Variants in ZNF230 observed in about 807,000 individuals in gnomAD.
ZNF230 encodes zinc finger protein FDZF2.
A neutral mutation model predicts 10.0 loss-of-function variants in ZNF230; 12 were observed. That is an observed-to-expected ratio of 1.20 (90% CI 0.77 to 1.95). The LOEUF (loss-of-function observed/expected upper bound fraction) is 1.95, where lower values mean the gene tolerates loss of function less well. Ranked by LOEUF, ZNF230 falls within the 30% of genes most tolerant of loss-of-function variation. The pLI, the probability that ZNF230 is intolerant of heterozygous loss-of-function variation, is 0.00. For synonymous variants in ZNF230, 174 were observed against 193.6 expected, an observed-to-expected ratio of 0.90 and a Z score of 0.84; for missense variants, 532 against 565.8, an observed-to-expected ratio of 0.94 and a Z score of 0.61.
intron 1 of ZNF230, among the ~76,000 whole-genome samples, chr19:44,005,739 A>T (rs1167673605): frequency 6.6e-6 from 1 of 152,138 alleles, no homozygotes; most frequent in African/African-American, 2.4e-5. Flanking sequence ...AAATATTTTT[A>T]AAAGCCGGGT....
At chr19:44,004,033 A>C (rs1273502037) in intron 1 of ZNF230, 1 of 152,226 alleles carries the variant, frequency 6.6e-6, no homozygotes, top group Admixed American at 6.5e-5. Context: ...TCTTGGATAC[A>C]TTCTCATTGA....
At chr19:44,009,247 T>C (rs1042475966) in intron 4 of ZNF230, 77 bp downstream of exon 4, 1 of 1,475,468 alleles carries the variant, frequency 6.8e-7, no homozygotes, top group South Asian at 1.2e-5. Flanking sequence ...TGCCCACTTA[T>C]ATCACCCTGA....
rs776339479 is a variant in ZNF230 at position 44,011,303 on chromosome 19, T to G, written c.1264T>G (p.Cys422Gly). 6.2e-7 allele frequency: 1 copy of G among 1,614,106 alleles called. No homozygotes were observed. The highest frequency in any genetic ancestry group is 8.5e-7 in the Non-Finnish European group (1 of 1,180,016). ...CCACTGCCGGAAAAAACCCTTCAAA[T>G]GTGAGGATTGTGGAAAGAGGCTTGT... ...KLHCRKKPFKCEDCGKRLVHR... is the reference protein window; with the variant it reads ...KLHCRKKPFKGEDCGKRLVHR... Residue 422 changes from cysteine to glycine, a missense_variant, in exon 5 of 5, where the codon TGT becomes GGT. Cys to Gly is a radical substitution (Grantham distance 159). Coordinates refer to ENST00000429154, the MANE Select transcript of ZNF230 (RefSeq NM_006300.4).
Position 44,010,301 on chromosome 19 carries a change from G to A in ZNF230, c.262G>A (p.Glu88Lys), listed in dbSNP as rs1976163535. The A allele has an allele frequency of 6.2e-7, 1 of 1,612,810 alleles. No homozygotes were observed. Among genetic ancestry groups the A allele is most frequent in the African/African-American group, 1.3e-5 (1 of 74,948 alleles). The change falls in exon 5 of 5, where the codon GAA (glutamate) becomes AAA (lysine). Residue 88 changes from glutamate to lysine, a missense_variant. Transcript: ENST00000429154. ...GACTATTGCGGAAGCAGGACCACAT[G>A]AAGACTGCCCTTGCCAGCAAATCTG... ...GKTIAEAGPH[E>K]DCPCQQIWEQ...
chr19:44,007,454 CA>C (rs1282680540), intron 2 of ZNF230, among the ~76,000 whole-genome samples: 1 of 152,066 alleles, frequency 6.6e-6, no homozygotes, highest in Non-Finnish European at 1.5e-5. Flanking sequence ...CTCTATACAC[CA>C]AGATAACATG....
At chr19:44,009,033 A>G in intron 3 of ZNF230, 51 bp from the exon 4 acceptor site, 1 of 1,608,132 alleles carries the variant, frequency 6.2e-7, no homozygotes. Flanking sequence ...TTTTACCTTG[A>G]TATTACCTAG....
Position 44,008,846 on chromosome 19 carries a change from A to G in ZNF230, c.72A>G (p.Leu24=). 9.3e-6 allele frequency: 15 copies of G among 1,614,092 alleles called. No individual in the cohort carries two copies. Among genetic ancestry groups the G allele is most frequent in the Non-Finnish European group, 1.3e-5 (15 of 1,179,986 alleles). The change falls in exon 3 of 5, where the codon CTA becomes CTG. Residue 24 remains leucine, a synonymous_variant. Transcript: ENST00000429154. ...TCTTCACTGAGGAGGAACTGGGGCT[A>G]CTGGACCCTGCCCAGAGGAAGCTGT... ...AVFFTEEELG[L]LDPAQRKLYQ... is the part of the protein sequence containing the mutation.
rs953428784 is a variant in ZNF230 at position 44,012,202 on chromosome 19, A to G, written c.*738A>G. 3.0e-6 allele frequency: 1 copy of G among 331,160 alleles called. No homozygotes were observed. The highest frequency in any genetic ancestry group is 2.2e-5 in the African/African-American group (1 of 45,206). The allele number at this position is 331,160 out of a possible 1,614,324, so 20.5% of individuals were successfully genotyped here. A position where few individuals can be genotyped will look rare whatever the true frequency, so the allele number is the denominator to read the frequency against. ...ATGGCTTCATACCACCTCAGGCCTC[A>G]AGTCCTCAACTGCACCAGAGTGTCC... On this transcript the variant is annotated 3_prime_UTR_variant, in exon 5 of 5. Transcript: ENST00000429154.
chr19:44,005,319 C>T (rs986177698), intron 1 of ZNF230, among the ~76,000 whole-genome samples: 4 of 152,076 alleles, frequency 2.6e-5, no homozygotes, highest in Admixed American at 1.3e-4. Flanking sequence ...TAACCAGAGA[C>T]AGCTGATTAT....
Position 44,012,213 on chromosome 19 carries a change from T to C in ZNF230, c.*749T>C, listed in dbSNP as rs566297117. On this transcript the variant is annotated 3_prime_UTR_variant, in exon 5 of 5. Transcript: ENST00000429154. The stretch of plus-strand genomic sequence containing the variant: ...CCACCTCAGGCCTCAAGTCCTCAAC[T>C]GCACCAGAGTGTCCACGTTGGACAG... 11 of 336,892 alleles carry C rather than the reference T, an allele frequency of 3.3e-5. No homozygotes were observed. The highest frequency in any genetic ancestry group is 2.2e-4 in the African/African-American group (10 of 45,612). The allele number at this position is 336,892 out of a possible 1,614,324, so 20.9% of individuals were successfully genotyped here. A position where few individuals can be genotyped will look rare whatever the true frequency, so the allele number is the denominator to read the frequency against.
Position 44,012,040 on chromosome 19 carries a change from G to A in ZNF230, c.*576G>A, listed in dbSNP as rs894118011. ...GAAGAATAGTGCTCCAATGAACATGGTAGTGTAGATATCTGATCCACATAC... is the reference window on the plus strand; with the variant it reads ...GAAGAATAGTGCTCCAATGAACATGATAGTGTAGATATCTGATCCACATAC... On this transcript the variant is annotated 3_prime_UTR_variant, in exon 5 of 5. Transcript: ENST00000429154. 9.1e-6 allele frequency: 2 copies of A among 219,850 alleles called. No individual in the cohort carries two copies. The highest frequency in any genetic ancestry group is 6.3e-5 in the South Asian group (1 of 15,792). 13.6% of individuals were successfully genotyped at this position (219,850 alleles called of 1,614,324 possible).
At chr19:44,009,367 T>G in intron 4 of ZNF230, 197 bp downstream of exon 4, 1 of 623,772 alleles carries the variant, frequency 1.6e-6, no homozygotes, top group Non-Finnish European at 2.8e-6. Context: ...GCCAAAATGA[T>G]CCTTGGGAAA....
At position 44,011,635 on chromosome 19, in the gene ZNF230, G is replaced by T; in HGVS notation, c.*171G>T. ...TGAAAAGAAACAATAAATTATTGTT[G>T]ATTATAGTCACCTTTGGTGCTTTAG... On this transcript the variant is annotated 3_prime_UTR_variant, in exon 5 of 5. Coordinates refer to ENST00000429154, the MANE Select transcript of ZNF230 (RefSeq NM_006300.4). The T allele has an allele frequency of 2.8e-6, 2 of 716,748 alleles. No individual in the cohort carries two copies. The highest frequency in any genetic ancestry group is 4.4e-6 in the Non-Finnish European group (2 of 459,406). 44.4% of individuals were successfully genotyped at this position (716,748 alleles called of 1,614,324 possible).
intron 1 of ZNF230, chr19:44,004,348 G>C (rs1976100220): frequency 6.6e-6 from 1 of 152,112 alleles, no homozygotes. Flanking sequence ...TATATTTGTT[G>C]ATAAACATTT....
rs2147427213 is a variant in ZNF230, at chr19:44,011,149, G to A, written c.1110G>A (p.Gly370=). 1 of 1,614,194 alleles carries A rather than the reference G, an allele frequency of 6.2e-7. No homozygotes were observed. Among genetic ancestry groups the A allele is most frequent in the East Asian group, 2.2e-5 (1 of 44,886 alleles). Residue 370 remains glycine (G), a synonymous_variant, in exon 5 of 5, where the codon GGG becomes GGA. Coordinates refer to ENST00000429154, the MANE Select transcript of ZNF230 (RefSeq NM_006300.4). Reference sequence around the variant, plus strand: ...AACCATACAGATGTGAGGAGTGTGGGAAGGGCTACATTAGTAAGTCAGGTC... The same window carrying A: ...AACCATACAGATGTGAGGAGTGTGGAAAGGGCTACATTAGTAAGTCAGGTC... ...GEKPYRCEEC[G]KGYISKSGLN... is the part of the protein sequence containing the mutation.
Position 44,011,206 on chromosome 19 carries a change from G to C in ZNF230, c.1167G>C (p.Glu389Asp), listed in dbSNP as rs1254451217. ...TGCACCAGAGGGTCCATACTGGAGAGAGACCTTATAATTGTAAGGAATGTG... is the reference window on the plus strand; with the variant it reads ...TGCACCAGAGGGTCCATACTGGAGACAGACCTTATAATTGTAAGGAATGTG... The part of the protein sequence containing the change: ...LNLHQRVHTG[E>D]RPYNCKECGK... Residue 389 changes from glutamate to aspartate, a missense_variant, in exon 5 of 5, where the codon GAG (glutamate) becomes GAC (aspartate). Glu to Asp is a conservative substitution (Grantham distance 45). Coordinates refer to ENST00000429154, the MANE Select transcript of ZNF230 (RefSeq NM_006300.4). 6.2e-7 allele frequency: 1 copy of C among 1,614,130 alleles called. No homozygotes were observed. Among genetic ancestry groups the C allele is most frequent in the Admixed American group, 1.7e-5 (1 of 60,028 alleles).
In ZNF230 at chr19:44,007,090, C is replaced by G. The variant is rs149519694; in HGVS notation, c.12C>G (p.Phe4Leu). 2 of 1,605,790 alleles carry G rather than the reference C, an allele frequency of 1.2e-6. No homozygotes were observed. The highest frequency in any genetic ancestry group is 2.7e-5 in the African/African-American group (2 of 74,782). MTT[F>L]KEAVTFKDVA... is the part of the protein sequence containing the mutation. The stretch of plus-strand genomic sequence containing the variant: ...AAGTAGTAGGAAAAATGACCACATT[C>G]AAGGTGAGTAGAGCTCACCTCTCTT... Residue 4 changes from phenylalanine (F) to leucine (L), a missense_variant, in exon 2 of 5, where the codon TTC (phenylalanine) becomes TTG (leucine). Transcript: ENST00000429154.
chr19:44,009,254 C>G, intron 4 of ZNF230, 84 bp downstream of exon 4: 4 of 1,441,384 alleles, frequency 2.8e-6, no homozygotes, highest in Non-Finnish European at 2.9e-6. Flanking sequence ...TTATATCACC[C>G]TGATCTAAAT....
In ZNF230 at chr19:44,013,291, A is replaced by G. The variant is rs2147429066; in HGVS notation, c.*1827A>G. ...TCTCTTCCTATCTCTATGAAATACCAAGAGAAACCTATCGGAGTTTGGTAA... is the reference window on the plus strand; with the variant it reads ...TCTCTTCCTATCTCTATGAAATACCGAGAGAAACCTATCGGAGTTTGGTAA... On this transcript the variant is annotated 3_prime_UTR_variant, in exon 5 of 5. Transcript: ENST00000429154. The G allele has an allele frequency of 6.6e-6, 1 of 152,316 alleles. No individual in the cohort carries two copies. Among genetic ancestry groups the G allele is most frequent in the African/African-American group, 2.4e-5 (1 of 41,572 alleles). 9.4% of individuals were successfully genotyped at this position (152,316 alleles called of 1,614,324 possible). A position where few individuals can be genotyped will look rare whatever the true frequency, so the allele number is the denominator to read the frequency against.
Sources: allele counts gnomAD v4.1 joint callset (sites outside exome capture counted in the v4.1 genomes callset), GRCh38; gene constraint gnomAD v4.1.1; transcripts MANE v1.5; gene names NCBI Gene and HGNC (gene_info 2026-07-23, HGNC 2026-07-21).